The following CYP4F2 variants were observed in gnomAD, a reference collection of about 807,000 sequenced individuals.
The protein encoded by CYP4F2 is cytochrome P450 4F2.
A neutral mutation model predicts 58.9 loss-of-function variants in CYP4F2; 58 were observed. That is an observed-to-expected ratio of 0.98 (90% CI 0.80 to 1.23). The LOEUF (loss-of-function observed/expected upper bound fraction) is 1.23. Among genes scored for constraint, CYP4F2 ranks in the 50% most tolerant of loss-of-function variants. CYP4F2 has a pLI of 0.00. For synonymous variants in CYP4F2, 287 were observed against 261.1 expected (o/e 1.10, Z -0.95); for missense variants, 616 against 685.6 (o/e 0.90, Z 1.13).
In CYP4F2 at chr19:15,897,510, G is replaced by C; in HGVS notation, c.102C>G (p.Val34=). ...CATAGAAGGCGTAGGTCCAGGCCAG[G>C]ACATGGGCCAGGAGCCAGGAGGCCC... ...LVGASWLLAH[V]LAWTYAFYDN... Residue 34 remains valine, a synonymous_variant, in exon 2 of 13, where the codon GTC becomes GTG. Coordinates refer to ENST00000221700, the MANE Select transcript of CYP4F2 (RefSeq NM_001082.5). The C allele has an allele frequency of 1.9e-6, 3 of 1,613,964 alleles. No homozygotes were observed. The highest frequency in any genetic ancestry group is 2.5e-6 in the Non-Finnish European group (3 of 1,179,964).
chr19:15,887,221 G>C (rs2145006551), intron 7 of CYP4F2, among the ~76,000 whole-genome samples: 1 of 151,520 alleles, frequency 6.6e-6, no homozygotes, highest in Non-Finnish European at 1.5e-5. Context: ...CACAGACTTA[G>C]AAACACAAAC....
Position 15,897,553 on chromosome 19 carries a change from A to G in CYP4F2, c.59T>C (p.Leu20Pro), listed in dbSNP as rs1321167308. Reference protein sequence around the residue: ...GLWPVAASPWLLLLLVGASWL... With the variant: ...GLWPVAASPWPLLLLVGASWL... Reference sequence around the variant, plus strand: ...GGAGGCCCCGACCAGCAGGAGGAGCAGCCAAGGGGATGCTGCCACTGGCCA... The same window carrying G: ...GGAGGCCCCGACCAGCAGGAGGAGCGGCCAAGGGGATGCTGCCACTGGCCA... Residue 20 changes from leucine (L) to proline (P), a missense_variant, in exon 2 of 13, where the codon CTG becomes CCG. Transcript: ENST00000221700. The G allele has an allele frequency of 6.2e-7, 1 of 1,614,020 alleles. No homozygotes were observed. Among genetic ancestry groups the G allele is most frequent in the Non-Finnish European group, 8.5e-7 (1 of 1,179,962 alleles).
Position 15,897,624 on chromosome 19 carries a change from A to G in CYP4F2, c.-1-12T>C, listed in dbSNP as rs3093103. Reference sequence around the variant, plus strand: ...TCAGCTGGGACATCCTGCAGGGCAGACGGGATGGACGGTGAGATCCTGAGG... The same window carrying G: ...TCAGCTGGGACATCCTGCAGGGCAGGCGGGATGGACGGTGAGATCCTGAGG... On this transcript the variant is annotated splice_polypyrimidine_tract_variant and intron_variant, in intron 1 of 12. Transcript: ENST00000221700. The G allele has an allele frequency of 0.16, 255,264 of 1,611,402 alleles. 21,117 individuals are homozygous for G. The highest frequency in any genetic ancestry group is 0.18 in the Middle Eastern group (1,068 of 5,844).
chr19:15,884,745 A>T (rs1264282723), intron 9 of CYP4F2, among the ~76,000 whole-genome samples: 1 of 152,172 alleles, frequency 6.6e-6, no homozygotes, highest in Non-Finnish European at 1.5e-5. Context: ...TGAATCCAAG[A>T]CATCCGTCCA....
intron 1 of CYP4F2, 138 bp from the exon 2 acceptor site, chr19:15,897,750 T>G (rs534823299): frequency 1.8e-5 from 20 of 1,093,332 alleles, no homozygotes; most frequent in Non-Finnish European, 2.6e-5. Context: ...AAAAAGGGGC[T>G]GAGAGGTAAA....
intron 3 of CYP4F2, among the ~76,000 whole-genome samples, chr19:15,892,909 C>T (rs1275300328): frequency 1.3e-5 from 2 of 152,180 alleles, no homozygotes; most frequent in African/African-American, 2.4e-5. Context: ...GAATGCTTCA[C>T]AAGGACCTAG....
chr19:15,894,466 G>C (rs3093122), intron 3 of CYP4F2, among the ~76,000 whole-genome samples: 22,932 of 152,114 alleles, frequency 0.15, 1,832 homozygotes, highest in Non-Finnish European at 0.17. Context: ...ATGAGGAAAA[G>C]GCCACCTTGA....
intron 2 of CYP4F2, among the ~76,000 whole-genome samples, chr19:15,896,106 A>ATCCG (rs1345875059): frequency 6.7e-6 from 1 of 150,106 alleles, no homozygotes; most frequent in Non-Finnish European, 1.5e-5. Flanking sequence ...CCATCCATCC[A>ATCCG]TGCTATCTGT....
intron 3 of CYP4F2, among the ~76,000 whole-genome samples, chr19:15,892,988 T>G (rs2089426042): frequency 6.6e-6 from 1 of 152,206 alleles, no homozygotes; most frequent in African/African-American, 2.4e-5. Context: ...GACCTGGACA[T>G]GAGACATGAC....
chr19:15,886,435 A>G, intron 7 of CYP4F2, 127 bp from the exon 8 acceptor site: 1 of 1,259,144 alleles, frequency 7.9e-7, no homozygotes, highest in Non-Finnish European at 1.1e-6. Flanking sequence ...ATCCAAGTCC[A>G]TCTTGCACTC....
Position 15,879,755 on chromosome 19 carries a change from T to C in CYP4F2, c.1249+9A>G, listed in dbSNP as rs2089331745. On this transcript the variant is annotated intron_variant, in intron 10 of 12. Coordinates refer to ENST00000221700, the MANE Select transcript of CYP4F2 (RefSeq NM_001082.5). The stretch of plus-strand genomic sequence containing the variant: ...CCCAGGAGACTCCTCCCCGTGAGGC[T>C]GTGAGCACCTTTGGGGATGACCCGG... 1.9e-6 allele frequency: 3 copies of C among 1,613,994 alleles called. No homozygotes were observed. The highest frequency in any genetic ancestry group is 1.7e-6 in the Non-Finnish European group (2 of 1,179,932).
intron 9 of CYP4F2, among the ~76,000 whole-genome samples, chr19:15,883,790 G>A (rs1281673320): frequency 1.3e-5 from 2 of 152,222 alleles, no homozygotes; most frequent in African/African-American, 4.8e-5. Flanking sequence ...GCCGGGTGCG[G>A]TGGCTCATGC....
rs267605326 is a variant in CYP4F2, at chr19:15,889,497, C to A, written c.844G>T (p.Gly282Cys). ...TTGGCTTGGAGGAAGTCATCAACAC[C>A]CTGGCTAGGGAGAGTGCGGCGCCGC... is the stretch of plus-strand genomic sequence containing the variant. ...QERRRTLPSQ[G>C]VDDFLQAKAK... is the part of the protein sequence containing the mutation. The change falls in exon 7 of 13, where the codon GGT becomes TGT. Residue 282 changes from glycine (G) to cysteine (C), a missense_variant. Coordinates refer to ENST00000221700, the MANE Select transcript of CYP4F2 (RefSeq NM_001082.5). The A allele has an allele frequency of 6.2e-7, 1 of 1,614,040 alleles. No individual in the cohort carries two copies. The highest frequency in any genetic ancestry group is 8.5e-7 in the Non-Finnish European group (1 of 1,180,036).
intron 9 of CYP4F2, among the ~76,000 whole-genome samples, chr19:15,881,904 C>T (rs1253108186): frequency 6.6e-6 from 1 of 151,962 alleles, no homozygotes; most frequent in Non-Finnish European, 1.5e-5. Context: ...AACACAAACA[C>T]ACATGATCTT....
At chr19:15,884,755 A>G (rs562546607) in intron 9 of CYP4F2, among the ~76,000 whole-genome samples, 2 of 152,312 alleles carry the variant, frequency 1.3e-5, no homozygotes, top group East Asian at 1.9e-4. Context: ...ACATCCGTCC[A>G]TTCCAATGCT....
At chr19:15,890,241 T>C (rs1289114895) in intron 6 of CYP4F2, 71 bp downstream of exon 6, 1 of 1,610,174 alleles carries the variant, frequency 6.2e-7, no homozygotes, top group Non-Finnish European at 8.5e-7. Context: ...TTTCCCTGCT[T>C]AGTCCTCCCT....
chr19:15,895,605 C>T lies in CYP4F2; in HGVS notation c.244G>A (p.Ala82Thr). 1.9e-6 allele frequency: 3 copies of T among 1,594,190 alleles called. No individual in the cohort carries two copies. Among genetic ancestry groups the T allele is most frequent in the African/African-American group, 1.4e-5 (1 of 73,604 alleles). ...ACCTTAAAGCCCTGGGGGTAGGTGG[C>T]CACCAGCTGAGTCAGAACTCTCATG... ...EGMRVLTQLV[A>T]TYPQGFKVWM... The change falls in exon 3 of 13, where the codon GCC (alanine) becomes ACC (threonine). Residue 82 changes from alanine (A) to threonine (T), a missense_variant. Coordinates refer to ENST00000221700, the MANE Select transcript of CYP4F2 (RefSeq NM_001082.5).
chr19:15,878,728 T>A lies in CYP4F2; in HGVS notation c.*43A>T, dbSNP rs773471535. The A allele has an allele frequency of 1.7e-5, 28 of 1,607,120 alleles. No individual in the cohort carries two copies. The highest frequency in any genetic ancestry group is 2.1e-5 in the Non-Finnish European group (25 of 1,176,068). Reference sequence around the variant, plus strand: ...AATTCTAGGCTTCACTTTTGATGAATCAGGGGTCATTTTAGTGGGGTCAGA... The same window carrying A: ...AATTCTAGGCTTCACTTTTGATGAAACAGGGGTCATTTTAGTGGGGTCAGA... On this transcript the variant is annotated 3_prime_UTR_variant, in exon 13 of 13. Coordinates refer to ENST00000221700, the MANE Select transcript of CYP4F2 (RefSeq NM_001082.5).
chr19:15,879,877 G>A lies in CYP4F2; in HGVS notation c.1136C>T (p.Pro379Leu). 6.2e-7 allele frequency: 1 copy of A among 1,614,162 alleles called. No individual in the cohort carries two copies. The highest frequency in any genetic ancestry group is 1.7e-5 in the Admixed American group (1 of 60,024). Residue 379 changes from proline to leucine, a missense_variant, in exon 10 of 13, where the codon CCC becomes CTC. Pro to Leu is a moderately conservative substitution (Grantham distance 98). Transcript: ENST00000221700. ...CTCCTTCATGCACATGGTCAGGAAG[G>A]GCAAATGGGCCAGGTCGTCCCTAAG... ...EIEWDDLAHL[P>L]FLTMCMKESL... is the part of the protein sequence containing the mutation.
Sources: gnomAD v4.1 joint callset for allele counts (sites outside exome capture counted in the v4.1 genomes callset) on GRCh38, gnomAD v4.1.1 for gene constraint, MANE v1.5 for transcripts, NCBI Gene and HGNC (gene_info 2026-07-23, HGNC 2026-07-21) for gene names.